ZNF177: variants seen among roughly 807,000 people sequenced by gnomAD.
ZNF177 encodes zinc finger protein 177.
A neutral mutation model predicts 19.4 loss-of-function variants in ZNF177; 17 were observed. The ratio of observed to expected loss-of-function variants is 0.87; its 90% CI spans 0.60 to 1.31. The LOEUF (loss-of-function observed/expected upper bound fraction) is 1.31, where lower values mean the gene tolerates loss of function less well. ZNF177 is among the 40% of genes most tolerant of loss of function. ZNF177 has a pLI of 0.00. For synonymous variants in ZNF177, 220 were observed against 188.7 expected, an observed-to-expected ratio of 1.17 and a Z score of -1.36; for missense variants, 633 against 561.8, an observed-to-expected ratio of 1.13 and a Z score of -1.28.
chr19:9,379,159 T>C (rs2068153284), intron 3 of ZNF177, 71 bp downstream of exon 5: 5 of 1,506,418 alleles, frequency 3.3e-6, no homozygotes. Context: ...TGTTCCAGAA[T>C]CTGTGGAAAG....
exon 6 of ZNF177, chr19:9,381,724 A>G: frequency 1.2e-6 from 2 of 1,613,436 alleles, no homozygotes; most frequent in Non-Finnish European, 1.7e-6. Flanking sequence ...TAGCACAAGC[A>G]CTAACCTTAT....
At chr19:9,365,496 C>T (rs950073517) in intron 2 of ZNF177, among the ~76,000 whole-genome samples, 8 of 151,526 alleles carry the variant, frequency 5.3e-5, no homozygotes, top group Non-Finnish European at 1.0e-4. Flanking sequence ...CCCAGAAAAG[C>T]GGAGAAGGGT....
chr19:9,374,719 C>T (rs1013787811), upstream of ZNF177, among the ~76,000 whole-genome samples: 2 of 151,686 alleles, frequency 1.3e-5, no homozygotes, highest in African/African-American at 4.8e-5. Context: ...TTTTACCCTG[C>T]ATTACTGAAT....
intron 5 of ZNF177, among the ~76,000 whole-genome samples, chr19:9,380,380 A>T (rs969123965): frequency 2.0e-5 from 3 of 151,946 alleles, no homozygotes; most frequent in Non-Finnish European, 4.4e-5. Context: ...ATATGATTTT[A>T]GAGTTAAGTA....
chr19:9,376,811 C>T (rs1214827388), intron 1 of ZNF177, among the ~76,000 whole-genome samples: 1 of 151,896 alleles, frequency 6.6e-6, no homozygotes, highest in African/African-American at 2.4e-5. Flanking sequence ...TATTTAGATA[C>T]CACTGTTACA....
At chr19:9,367,025 CAA>C (rs779912179) in intron 2 of ZNF177, among the ~76,000 whole-genome samples, 4 of 152,116 alleles carry the variant, frequency 2.6e-5, no homozygotes, top group African/African-American at 4.8e-5. Context: ...ATTGTGTTTT[CAA>C]AAGTCAGCTG....
chr19:9,379,031 CAAAA>C lies in ZNF177; in HGVS notation c.107_110del (p.Lys36IlefsTer6). On this transcript the variant is annotated frameshift_variant, in exon 3 of 6. Transcript: ENST00000589262. LOFTEE classifies it high-confidence loss of function. ...GGAGTGGGCATTGCTGGACCCTGCT[CAAAA>C]AAATCTATACAAAGATGTGATGCTG... 1 of 1,610,640 alleles carries C rather than the reference CAAAA, an allele frequency of 6.2e-7. No homozygotes were observed. The highest frequency in any genetic ancestry group is 8.5e-7 in the Non-Finnish European group (1 of 1,177,672).
intron 2 of ZNF177, among the ~76,000 whole-genome samples, chr19:9,366,733 G>A (rs779892392): frequency 1.4e-4 from 21 of 152,256 alleles, no homozygotes; most frequent in Non-Finnish European, 2.5e-4. Flanking sequence ...TTCATGAGAC[G>A]AACTTTTATG....
rs1201298608 is a variant in ZNF177, at chr19:9,381,435, T to TG, written c.1105dup (p.Glu369GlyfsTer4). On this transcript the variant is annotated frameshift_variant, in exon 6 of 6. Coordinates refer to ENST00000589262, the Ensembl canonical transcript of ZNF177. LOFTEE classifies it low-confidence loss of function (END_TRUNC). Reference sequence around the variant, plus strand: ...GAACCCACACTGGAGAGAAACCCTATGAATGCAGTGACTGTGGAAAAGCCT... The same window carrying TG: ...GAACCCACACTGGAGAGAAACCCTATGGAATGCAGTGACTGTGGAAAAGCCT... 9 of 1,611,602 alleles carry TG rather than the reference T, an allele frequency of 5.6e-6. No homozygotes were observed. Among genetic ancestry groups the TG allele is most frequent in the Non-Finnish European group, 7.6e-6 (9 of 1,177,878 alleles).
chr19:9,365,130 A>G (rs2067959729), intron 2 of ZNF177, among the ~76,000 whole-genome samples, 182 bp downstream of exon 2: 1 of 152,158 alleles, frequency 6.6e-6, no homozygotes, highest in Non-Finnish European at 1.5e-5. Flanking sequence ...GGGGAATTCC[A>G]GTGGGTCTTT....
intron 1 of ZNF177, among the ~76,000 whole-genome samples, chr19:9,364,537 G>T (rs1040286765): frequency 1.3e-5 from 2 of 152,166 alleles, no homozygotes; most frequent in Non-Finnish European, 2.9e-5. Context: ...GAGCTCTTCA[G>T]TCCTATTTGC....
chr19:9,367,664 T>TATGC, intron 2 of ZNF177, among the ~76,000 whole-genome samples: 1 of 152,240 alleles, frequency 6.6e-6, no homozygotes. Flanking sequence ...TTGATATCAG[T>TATGC]ATGCCAATCT....
chr19:9,368,581 C>G (rs1182813421), intron 2 of ZNF177, among the ~76,000 whole-genome samples: 2 of 152,082 alleles, frequency 1.3e-5, no homozygotes, highest in South Asian at 4.1e-4. Flanking sequence ...TCTTCCCGTT[C>G]CAGCTGCTTA....
At chr19:9,378,530 C>G (rs748056641) in intron 2 of ZNF177, 186 bp downstream of exon 4, 33 of 932,500 alleles carry the variant, frequency 3.5e-5, no homozygotes, top group Non-Finnish European at 5.1e-5. Context: ...TGTTAACTTT[C>G]TCCAGATATT....
chr19:9,381,041 A>G (rs761097993), exon 6 of ZNF177: 15 of 1,602,464 alleles, frequency 9.4e-6, no homozygotes, highest in South Asian at 7.7e-5. Flanking sequence ...TGCAGTGACT[A>G]TGGCAAAATA....
At chr19:9,381,904 C>A in exon 6 of ZNF177, 12 of 1,376,256 alleles carry the variant, frequency 8.7e-6, no homozygotes, top group Non-Finnish European at 1.2e-5. Context: ...GCCTGTTATA[C>A]TGGGACAAAC....
At chr19:9,376,326 TTGC>T (rs1431403433), upstream of ZNF177, 1 of 152,262 alleles carries the variant, frequency 6.6e-6, no homozygotes, top group Non-Finnish European at 1.5e-5. Flanking sequence ...AGATGCGGTC[TTGC>T]TGTGTTGCCT....
At chr19:9,380,095 A>T (rs115385615) in exon 5 of ZNF177, 1 of 1,612,304 alleles carries the variant, frequency 6.2e-7, no homozygotes, top group South Asian at 1.1e-5. Flanking sequence ...TACAATTGCT[A>T]TGCAGAACAT....
upstream of ZNF177, among the ~76,000 whole-genome samples, chr19:9,372,237 T>G (rs1221330290): frequency 6.6e-6 from 1 of 152,194 alleles, no homozygotes; most frequent in African/African-American, 2.4e-5. Flanking sequence ...CTTGAGGTTG[T>G]TTGAACTACA....
Sources: allele counts gnomAD v4.1 joint callset (sites outside exome capture counted in the v4.1 genomes callset), GRCh38; gene constraint gnomAD v4.1.1; transcripts MANE v1.5; gene names NCBI Gene and HGNC (gene_info 2026-07-23, HGNC 2026-07-21).